PTPRO: variants seen among roughly 807,000 people sequenced by gnomAD.
PTPRO encodes protein tyrosine phosphatase receptor type O.
PTPRO carries 62 observed loss-of-function variants against 145.2 expected under a neutral mutation model. That is an observed-to-expected ratio of 0.43 (90% CI 0.35 to 0.53). The LOEUF is 0.53. PTPRO is among the 20% of genes least tolerant of loss of function. The probability of loss-of-function intolerance (pLI) is 0.01; values close to 1 mark genes in which losing one functional copy is unlikely to be tolerated. For missense variants in PTPRO, 1,345 were observed against 1,482.7 expected (o/e 0.91, Z 1.53); for synonymous variants, 565 against 514.7 (o/e 1.10, Z -1.32).
chr12:15,559,593 T>G (rs904598060), intron 16 of PTPRO, among the ~76,000 whole-genome samples: 1 of 152,190 alleles, frequency 6.6e-6, no homozygotes, highest in Non-Finnish European at 1.5e-5. Flanking sequence ...TTATCTTGAA[T>G]GAATGATATC....
intron 1 of PTPRO, among the ~76,000 whole-genome samples, chr12:15,431,706 A>G (rs1940444645): frequency 6.6e-6 from 1 of 152,172 alleles, no homozygotes; most frequent in Non-Finnish European, 1.5e-5. Context: ...ATTATCTTAC[A>G]TTTGGCTTTT....
At chr12:15,548,094 A>G (rs1371667476) in intron 13 of PTPRO, among the ~76,000 whole-genome samples, 2 of 152,206 alleles carry the variant, frequency 1.3e-5, no homozygotes, top group African/African-American at 4.8e-5. Flanking sequence ...TATATAAAGA[A>G]TTGCTACAAG....
chr12:15,406,469 C>A (rs1344885166), intron 1 of PTPRO, among the ~76,000 whole-genome samples: 1 of 152,154 alleles, frequency 6.6e-6, no homozygotes, highest in Non-Finnish European at 1.5e-5. Flanking sequence ...CAATAGTCAT[C>A]TTGAAATACT....
rs1181620950 is a variant in PTPRO, at chr12:15,516,811, C to T, written c.1634C>T (p.Ala545Val). 6.2e-7 allele frequency: 1 copy of T among 1,612,310 alleles called. No homozygotes were observed. Among genetic ancestry groups the T allele is most frequent in the Non-Finnish European group, 8.5e-7 (1 of 1,178,458 alleles). Residue 545 changes from alanine (A) to valine (V), a missense_variant, in exon 9 of 27, where the codon GCC (alanine) becomes GTC (valine). Ala to Val is a moderately conservative substitution (Grantham distance 64). Coordinates refer to ENST00000281171, the MANE Select transcript of PTPRO (RefSeq NM_030667.3). ...ATGCTCTATCCTTTGGGTCCTACGG[C>T]CGTGGTTCTGAGCTGGACCAGACCT... ...DLMLYPLGPT[A>V]VVLSWTRPYL...
intron 1 of PTPRO, among the ~76,000 whole-genome samples, chr12:15,373,293 C>T (rs529131879): frequency 6.6e-6 from 1 of 152,224 alleles, no homozygotes; most frequent in East Asian, 1.9e-4. Context: ...GAGCAGCATA[C>T]TATAGGACAG....
intron 1 of PTPRO, among the ~76,000 whole-genome samples, chr12:15,477,448 A>G (rs1298300569): frequency 6.6e-6 from 1 of 151,482 alleles, no homozygotes; most frequent in Non-Finnish European, 1.5e-5. Flanking sequence ...ACATGTATAC[A>G]TATGTAACTA....
At chr12:15,424,920 A>G (rs1017124337) in intron 1 of PTPRO, among the ~76,000 whole-genome samples, 5 of 152,066 alleles carry the variant, frequency 3.3e-5, no homozygotes, top group Non-Finnish European at 5.9e-5. Flanking sequence ...ATCTGGGAGA[A>G]AGAGATGGCT....
intron 1 of PTPRO, among the ~76,000 whole-genome samples, chr12:15,473,852 T>C (rs1183854729): frequency 6.6e-6 from 1 of 152,040 alleles, no homozygotes. Flanking sequence ...CTAGTATTTA[T>C]TGAGTTCATA....
At chr12:15,500,781 GC>G (rs1260532500) in intron 4 of PTPRO, among the ~76,000 whole-genome samples, 1 of 152,162 alleles carries the variant, frequency 6.6e-6, no homozygotes, top group Non-Finnish European at 1.5e-5. Flanking sequence ...TATTAGCTGG[GC>G]ATGGTGGCTG....
intron 12 of PTPRO, among the ~76,000 whole-genome samples, chr12:15,531,409 C>T (rs1452773112): frequency 6.6e-6 from 1 of 152,108 alleles, no homozygotes; most frequent in African/African-American, 2.4e-5. Flanking sequence ...AAAACAGATA[C>T]TTTAACATTC....
chr12:15,386,751 G>A (rs74069030), intron 1 of PTPRO, among the ~76,000 whole-genome samples: 4,591 of 152,178 alleles, frequency 0.03, 231 homozygotes, highest in African/African-American at 0.1. Flanking sequence ...TTTTTTATCA[G>A]AATTGTGGAA....
chr12:15,469,908 A>C (rs1167458089), intron 1 of PTPRO, among the ~76,000 whole-genome samples: 2 of 152,150 alleles, frequency 1.3e-5, no homozygotes, highest in Non-Finnish European at 2.9e-5. Flanking sequence ...TTGGATGGAA[A>C]ATTTGCATGT....
intron 1 of PTPRO, among the ~76,000 whole-genome samples, chr12:15,468,708 C>T (rs1317529421): frequency 6.6e-6 from 1 of 152,196 alleles, no homozygotes. Context: ...AGAACAGAAA[C>T]CAGATTTCTT....
At chr12:15,347,835 GA>G (rs1260593264) in intron 1 of PTPRO, among the ~76,000 whole-genome samples, 1 of 152,046 alleles carries the variant, frequency 6.6e-6, no homozygotes, top group Non-Finnish European at 1.5e-5. Context: ...CAGAGATCTA[GA>G]AAAAATAACA....
At chr12:15,595,441 G>A (rs1944640214) in intron 26 of PTPRO, 1 of 240,934 alleles carries the variant, frequency 4.2e-6, no homozygotes, top group Non-Finnish European at 8.3e-6. Context: ...TGTATACGGG[G>A]TTACAAAAAG....
chr12:15,569,785 A>G (rs1943996502), intron 19 of PTPRO, among the ~76,000 whole-genome samples: 1 of 152,204 alleles, frequency 6.6e-6, no homozygotes, highest in Non-Finnish European at 1.5e-5. Flanking sequence ...GGAAATCGAG[A>G]GTACAAGAAG....
intron 1 of PTPRO, among the ~76,000 whole-genome samples, chr12:15,453,021 C>T (rs1941085666): frequency 6.6e-6 from 1 of 152,132 alleles, no homozygotes; most frequent in South Asian, 2.1e-4. Flanking sequence ...AAACACACAT[C>T]CCTTTTTTTT....
intron 1 of PTPRO, among the ~76,000 whole-genome samples, chr12:15,382,000 A>G (rs1329810840): frequency 6.6e-6 from 1 of 151,956 alleles, no homozygotes; most frequent in East Asian, 1.9e-4. Context: ...AGAAACATCT[A>G]ACAATATTTC....
intron 19 of PTPRO, 31 bp from the exon 20 acceptor site, chr12:15,578,822 A>C (rs755783835): frequency 5.4e-6 from 8 of 1,484,372 alleles, no homozygotes; most frequent in Non-Finnish European, 7.5e-6. Context: ...CCACGTATGG[A>C]ACTCTCAAAT....
Sources: allele counts gnomAD v4.1 joint callset (sites outside exome capture counted in the v4.1 genomes callset), GRCh38; gene constraint gnomAD v4.1.1; transcripts MANE v1.5; gene names NCBI Gene and HGNC (gene_info 2026-07-23, HGNC 2026-07-21).